Variants in CDK11B observed in about 807,000 individuals in gnomAD.
CDK11B encodes cyclin-dependent kinase 11B.
CDK11B carries 37 observed loss-of-function variants against 84.0 expected under a neutral mutation model. The observed-to-expected ratio is 0.44, with a 90% CI of 0.34 to 0.58. CDK11B has a LOEUF of 0.58. Ranked by LOEUF, CDK11B falls within the 20% of genes least tolerant of loss-of-function variation. The pLI is 0.02. For synonymous variants in CDK11B, 269 were observed against 309.8 expected, an observed-to-expected ratio of 0.87 and a Z score of 1.38; for missense variants, 427 against 834.0, an observed-to-expected ratio of 0.51 and a Z score of 6.01.
chr1:1,651,687 T>C (rs1385165262), intron 4 of CDK11B, among the ~76,000 whole-genome samples: 4 of 150,060 alleles, frequency 2.7e-5, no homozygotes, highest in African/African-American at 9.9e-5. Context: ...CAGCTGGAGT[T>C]TGCTCTCTAT....
At chr1:1,647,412 G>A (rs532620638) in intron 5 of CDK11B, among the ~76,000 whole-genome samples, 23 of 152,338 alleles carry the variant, frequency 1.5e-4, no homozygotes, top group African/African-American at 4.6e-4. Context: ...CTCACAGCTC[G>A]TGGCCACCCC....
chr1:1,657,951 G>T (rs1642990974), intron 1 of CDK11B, among the ~76,000 whole-genome samples: 1 of 149,196 alleles, frequency 6.7e-6, no homozygotes, highest in Admixed American at 6.6e-5. Context: ...GAGGCGGGTG[G>T]ATCACAAGGT....
rs115880964 is a variant in CDK11B at position 1,655,362 on chromosome 1, C to T, written c.227+7G>A. The T allele has an allele frequency of 1.6e-3, 2,508 of 1,612,654 alleles. 47 individuals are homozygous for T. The East Asian group carries it at 0.042, about 27-fold the overall frequency. On this transcript the variant is annotated splice_region_variant and intron_variant, in intron 3 of 19. Coordinates refer to ENST00000341832, the MANE Select transcript of CDK11B (RefSeq NM_033486.3). ...GCTGGGTCTTGCACATCTGTACATC[C>T]GCTCACCTGTCTTCCATAGAGTCTT...
chr1:1,646,435 T>C (rs371817570), intron 5 of CDK11B: 56 of 519,880 alleles, frequency 1.1e-4, no homozygotes, highest in Non-Finnish European at 1.8e-4. Flanking sequence ...CAGTACAATA[T>C]AAAACTGTTG....
intron 11 of CDK11B, among the ~76,000 whole-genome samples, chr1:1,639,868 C>T (rs2100731183): frequency 6.6e-6 from 1 of 152,078 alleles, no homozygotes; most frequent in South Asian, 2.1e-4. Context: ...ACACTGACTC[C>T]CGTAGCCGCT....
chr1:1,636,153 G>A (rs1269051108), intron 18 of CDK11B, 27 bp from the exon 19 acceptor site: 1 of 601,012 alleles, frequency 1.7e-6, no homozygotes, highest in African/African-American at 2.1e-5. Flanking sequence ...AGAGGCCCAG[G>A]AGGTGCTCGT....
intron 10 of CDK11B, 28 bp from the exon 11 acceptor site, chr1:1,640,480 C>T: frequency 6.2e-7 from 1 of 1,613,756 alleles, no homozygotes; most frequent in Non-Finnish European, 8.5e-7. Flanking sequence ...AATTACGAAG[C>T]TAGGAGTAAG....
rs1349926307 is a variant in CDK11B, at chr1:1,658,170, G to A, written c.-13-672C>T. Among the ~76,000 whole-genome samples the A allele has an allele frequency of 3.2e-4, 47 of 146,142 alleles. 1 individual carries two copies. Among genetic ancestry groups the A allele is most frequent in the African/African-American group, 1.2e-3 (44 of 36,564 alleles). On this transcript the variant is annotated intron_variant, in intron 1 of 19. Transcript: ENST00000341832. ...GCAAGACCCCGTCTCAAAAAAAAAA[G>A]AAAAAAAAACAAGAATGATAAGTTG...
chr1:1,636,861 G>C (rs759247406), intron 16 of CDK11B, 36 bp downstream of exon 16: 3 of 1,611,658 alleles, frequency 1.9e-6, no homozygotes, highest in Non-Finnish European at 2.5e-6. Context: ...AGGCTGCGTG[G>C]GGGACAGGGG....
Position 1,639,512 on chromosome 1 carries a change from G to A in CDK11B, c.1251+765C>T, listed in dbSNP as rs544682925. 8.1e-4 allele frequency among the ~76,000 whole-genome samples: 123 copies of A among 151,984 alleles called. 2 individuals are homozygous for A. The South Asian group carries it at 0.024, about 30-fold the overall frequency. On this transcript the variant is annotated intron_variant, in intron 11 of 19. Coordinates refer to ENST00000341832, the MANE Select transcript of CDK11B (RefSeq NM_033486.3). Reference sequence around the variant, plus strand: ...TGAGGACGGGCCCTACCTGCCAGGCGCAGCATGATGCCCCATGCCAGGGCA... The same window carrying A: ...TGAGGACGGGCCCTACCTGCCAGGCACAGCATGATGCCCCATGCCAGGGCA...
At chr1:1,637,293 T>G in intron 14 of CDK11B, 91 bp from the exon 15 acceptor site, 1 of 1,573,362 alleles carries the variant, frequency 6.4e-7, no homozygotes, top group African/African-American at 1.4e-5. Context: ...AACAGAGGCT[T>G]CTCAGGGCTT....
In CDK11B at chr1:1,656,498, C is replaced by CTTTT. The variant is rs1329604025; in HGVS notation, c.111+876_111+877insAAAA. Among the ~76,000 whole-genome samples the CTTTT allele has an allele frequency of 9.9e-5, 15 of 151,586 alleles. No individual in the cohort carries two copies. In the East Asian group the frequency reaches 2.5e-3, roughly 26 times the overall value. ...GGAGCAAGACTGTCTCAAAAACAAA[C>CTTTT]AAAAAAGGCCGGGCGCGGAGGCTCA... On this transcript the variant is annotated intron_variant, in intron 2 of 19. Transcript: ENST00000341832.
chr1:1,654,903 C>A (rs1039514876), intron 3 of CDK11B, among the ~76,000 whole-genome samples: 1 of 151,596 alleles, frequency 6.6e-6, no homozygotes, highest in Non-Finnish European at 1.5e-5. Flanking sequence ...TGTGATCCGC[C>A]CACCTCGGCC....
rs1387615966 is a variant in CDK11B, at chr1:1,637,360, ACCCTGCCCCCACTTGTACGCAGACAGGC to A, written c.1570+20_1570+47del. 1 of 1,596,226 alleles carries A rather than the reference ACCCTGCCCCCACTTGTACGCAGACAGGC, an allele frequency of 6.3e-7. No individual in the cohort carries two copies. Among genetic ancestry groups the A allele is most frequent in the Admixed American group, 1.8e-5 (1 of 56,810 alleles). ...CACTGTCACCGCGGGGGTGACCAGG[ACCCTGCCCCCACTTGTACGCAGACAGGC>A]CCCTGGGGCGCGGCTGTACCTGGCA... is the stretch of plus-strand genomic sequence containing the variant. On this transcript the variant is annotated intron_variant, in intron 14 of 19. Transcript: ENST00000341832.
At chr1:1,653,833 C>CACAT (rs1642346393) in intron 3 of CDK11B, among the ~76,000 whole-genome samples, 1 of 145,412 alleles carries the variant, frequency 6.9e-6, no homozygotes. Flanking sequence ...AATACACACA[C>CACAT]ACACACACAC....
intron 5 of CDK11B, among the ~76,000 whole-genome samples, chr1:1,647,796 C>A (rs1641367114): frequency 6.6e-6 from 1 of 152,196 alleles, no homozygotes; most frequent in Non-Finnish European, 1.5e-5. Context: ...TTCCTCCCTC[C>A]ACTGAGGATG....
chr1:1,654,303 G>T (rs894865814), intron 3 of CDK11B: 1 of 384,188 alleles, frequency 2.6e-6, no homozygotes, highest in East Asian at 7.5e-5. Context: ...ACAGGGTCTT[G>T]CTCTGTTACC....
At chr1:1,656,241 CT>C (rs1642730618) in intron 2 of CDK11B, among the ~76,000 whole-genome samples, 1 of 152,292 alleles carries the variant, frequency 6.6e-6, no homozygotes, top group East Asian at 1.9e-4. Context: ...AATCCCAGCA[CT>C]TTGGGAGGCT....
chr1:1,644,745 A>G (rs1397449569), intron 6 of CDK11B, among the ~76,000 whole-genome samples: 2 of 152,202 alleles, frequency 1.3e-5, no homozygotes, highest in Non-Finnish European at 2.9e-5. Context: ...TAATCGCAGC[A>G]CTTTGGGAGG....
Sources: gnomAD v4.1 joint callset for allele counts (sites outside exome capture counted in the v4.1 genomes callset) on GRCh38, gnomAD v4.1.1 for gene constraint, MANE v1.5 for transcripts, NCBI Gene and HGNC (gene_info 2026-07-23, HGNC 2026-07-21) for gene names.